JARID2: variants seen among roughly 807,000 people sequenced by gnomAD.
JARID2 encodes the protein protein Jumonji.
Under a neutral mutation model 125.6 loss-of-function variants are expected in JARID2, and 21 were observed. The observed-to-expected ratio is 0.17, with a 90% CI of 0.12 to 0.24. The LOEUF is 0.24. JARID2 is among the 10% of genes least tolerant of loss of function. The pLI, the probability that JARID2 is intolerant of heterozygous loss-of-function variation, is 1.00. For synonymous variants in JARID2, 736 were observed against 661.6 expected (o/e 1.11, Z -1.73); for missense variants, 1,303 against 1,639.6 (o/e 0.79, Z 3.55).
At chr6:15,410,432 C>A in intron 3 of JARID2, 67 bp downstream of exon 3, 2 of 1,508,914 alleles carry the variant, frequency 1.3e-6, no homozygotes, top group African/African-American at 1.4e-5. Context: ...TGCCAGTTTT[C>A]ACCACATGAT....
At chr6:15,463,883 G>A (rs1768582057) in intron 4 of JARID2, among the ~76,000 whole-genome samples, 1 of 152,152 alleles carries the variant, frequency 6.6e-6, no homozygotes, top group Non-Finnish European at 1.5e-5. Context: ...TCTGACTTGA[G>A]GGGTTTGAAA....
At chr6:15,369,235 A>G (rs188773257) in intron 1 of JARID2, 2 of 347,982 alleles carry the variant, frequency 5.7e-6, no homozygotes, top group East Asian at 6.2e-5. Flanking sequence ...ATAACTTGCA[A>G]TGCCAAGTTG....
At chr6:15,263,635 C>G (rs1420868803) in intron 1 of JARID2, among the ~76,000 whole-genome samples, 5 of 150,326 alleles carry the variant, frequency 3.3e-5, no homozygotes, top group Non-Finnish European at 4.4e-5. Context: ...CTTTGTCGCC[C>G]AGGCTGGAGT....
intron 4 of JARID2, among the ~76,000 whole-genome samples, chr6:15,460,609 T>C (rs192948294): frequency 1.0e-3 from 156 of 152,334 alleles, no homozygotes; most frequent in African/African-American, 3.7e-3. Context: ...AGCTTCTCCA[T>C]TGGGAACTGA....
intron 5 of JARID2, 80 bp downstream of exon 5, chr6:15,468,798 G>T: frequency 7.0e-7 from 1 of 1,419,188 alleles, no homozygotes; most frequent in Non-Finnish European, 9.6e-7. Context: ...GCTGAGAAGA[G>T]ATGAGATGAA....
At chr6:15,380,348 T>A (rs1034095373) in intron 2 of JARID2, among the ~76,000 whole-genome samples, 5 of 152,128 alleles carry the variant, frequency 3.3e-5, no homozygotes, top group African/African-American at 1.2e-4. Context: ...AGTAAGTGAA[T>A]TTTTTATTGG....
chr6:15,416,435 C>T (rs1194073750), intron 3 of JARID2, among the ~76,000 whole-genome samples: 7 of 151,780 alleles, frequency 4.6e-5, no homozygotes, highest in East Asian at 1.9e-4. Context: ...TCTGCAATCC[C>T]GGCACCTCGG....
chr6:15,247,660 GTA>G (rs539019087), intron 1 of JARID2: 1,090 of 985,118 alleles, frequency 1.1e-3, no homozygotes, highest in Middle Eastern at 1.6e-3. Flanking sequence ...TGTGGTGTGT[GTA>G]ATGAGAGATG....
At chr6:15,328,696 T>A (rs1762610082) in intron 1 of JARID2, among the ~76,000 whole-genome samples, 1 of 152,216 alleles carries the variant, frequency 6.6e-6, no homozygotes, top group Non-Finnish European at 1.5e-5. Context: ...ACAGTCAAAA[T>A]GTGTGTCTGT....
chr6:15,370,167 AGGAGCTG>A (rs547263482), intron 1 of JARID2, among the ~76,000 whole-genome samples: 132 of 152,294 alleles, frequency 8.7e-4, no homozygotes, highest in African/African-American at 3.0e-3. Context: ...GGCATGTTTT[AGGAGCTG>A]GGATACAGTG....
intron 3 of JARID2, among the ~76,000 whole-genome samples, chr6:15,444,301 C>T (rs1017219378): frequency 3.3e-5 from 5 of 152,216 alleles, no homozygotes; most frequent in African/African-American, 9.7e-5. Flanking sequence ...ATGCTAGTGC[C>T]TCTCATTACA....
At chr6:15,321,246 T>C (rs556728192) in intron 1 of JARID2, among the ~76,000 whole-genome samples, 4 of 152,212 alleles carry the variant, frequency 2.6e-5, no homozygotes, top group Admixed American at 2.6e-4. Context: ...CTTGTGGGGA[T>C]AAAGGGAATG....
At chr6:15,380,520 T>G (rs561673851) in intron 2 of JARID2, among the ~76,000 whole-genome samples, 2 of 152,332 alleles carry the variant, frequency 1.3e-5, no homozygotes, top group East Asian at 3.9e-4. Flanking sequence ...TAGTTTCCAT[T>G]TCCTCACTTA....
chr6:15,323,401 G>A lies in JARID2; in HGVS notation c.46-50716G>A, dbSNP rs369679060. ...GGAAATCCTGCCCTCTTGGCCTAGC[G>A]TCTTCATAGATATGTGGCTTGGCCT... On this transcript the variant is annotated intron_variant, in intron 1 of 17. Transcript: ENST00000341776. Among the ~76,000 whole-genome samples, 72 of 152,276 alleles carry A rather than the reference G, an allele frequency of 4.7e-4. 2 individuals carry two copies. The South Asian group carries it at 0.014, about 29-fold the overall frequency.
At chr6:15,448,258 T>C (rs79224013) in intron 3 of JARID2, among the ~76,000 whole-genome samples, 2 of 152,232 alleles carry the variant, frequency 1.3e-5, no homozygotes, top group Non-Finnish European at 2.9e-5. Flanking sequence ...TTATTTTTCA[T>C]AGCCTCACTG....
intron 1 of JARID2, among the ~76,000 whole-genome samples, chr6:15,280,742 C>T (rs929862744): frequency 2.0e-5 from 3 of 151,630 alleles, no homozygotes; most frequent in Non-Finnish European, 2.9e-5. Flanking sequence ...AGTTCTCCTG[C>T]CTCAACCTCC....
intron 2 of JARID2, among the ~76,000 whole-genome samples, chr6:15,392,036 A>G (rs1765030015): frequency 8.1e-6 from 1 of 123,082 alleles, no homozygotes. Context: ...GTGATCCCAG[A>G]GTGGTGTGTG....
rs368841624 is a variant in JARID2, at chr6:15,496,748, C to T, written c.1523C>T (p.Thr508Met). ...AAGCGGGCCACGGCCGGGAAGAGCACGCCAGGCAGACAAGCACATGGCAAG... is the reference window on the plus strand; with the variant it reads ...AAGCGGGCCACGGCCGGGAAGAGCATGCCAGGCAGACAAGCACATGGCAAG... ...RPKRATAGKS[T>M]PGRQAHGKAD... is the part of the protein sequence containing the mutation. The change falls in exon 7 of 18, where the codon ACG becomes ATG. Residue 508 changes from threonine to methionine, a missense_variant. Thr to Met is a moderately conservative substitution (Grantham distance 81, BLOSUM62 -1). This residue lies in a region of JARID2 where 651 missense variants were observed against 581.6 expected (regional missense o/e 1.12). Coordinates refer to ENST00000341776, the MANE Select transcript of JARID2 (RefSeq NM_004973.4). 126 of 1,613,664 alleles carry T rather than the reference C, an allele frequency of 7.8e-5. No individual in the cohort carries two copies. The highest frequency in any genetic ancestry group is 1.8e-4 in the Admixed American group (11 of 60,006).
At chr6:15,437,833 A>G (rs1307579126) in intron 3 of JARID2, among the ~76,000 whole-genome samples, 2 of 152,102 alleles carry the variant, frequency 1.3e-5, no homozygotes, top group African/African-American at 2.4e-5. Context: ...TACCATCCTA[A>G]TGGGATGTGG....
Sources: gnomAD v4.1 joint callset for allele counts (sites outside exome capture counted in the v4.1 genomes callset) on GRCh38, gnomAD v4.1.1 for gene constraint, gnomAD v4.1.1 regional missense constraint, MANE v1.5 for transcripts, NCBI Gene and HGNC (gene_info 2026-07-23, HGNC 2026-07-21) for gene names.